RIMS2: variants seen among roughly 807,000 people sequenced by gnomAD.
RIMS2 encodes regulating synaptic membrane exocytosis 2.
RIMS2 carries 59 observed loss-of-function variants against 174.4 expected under a neutral mutation model. The observed-to-expected ratio is 0.34, with a 90% CI of 0.27 to 0.42. The LOEUF is 0.42. Among genes scored for constraint, RIMS2 ranks in the 10% least tolerant of loss-of-function variants. The pLI is 1.00. For missense variants in RIMS2, 1,620 were observed against 1,666.3 expected, an observed-to-expected ratio of 0.97 and a Z score of 0.48; for synonymous variants, 606 against 572.5, an observed-to-expected ratio of 1.06 and a Z score of -0.84.
At chr8:103,623,604 C>T (rs1355392178) in intron 1 of RIMS2, among the ~76,000 whole-genome samples, 2 of 148,696 alleles carry the variant, frequency 1.3e-5, no homozygotes, top group African/African-American at 5.0e-5. Context: ...CCTGCCTCAG[C>T]CTCCCGAGTA....
At chr8:103,669,460 C>T (rs1022317832) in intron 1 of RIMS2, among the ~76,000 whole-genome samples, 3 of 152,172 alleles carry the variant, frequency 2.0e-5, no homozygotes, top group East Asian at 1.9e-4. Flanking sequence ...CTCATTTCAC[C>T]ATTAACTCAG....
At chr8:103,717,451 T>C (rs1427225742) in intron 2 of RIMS2, among the ~76,000 whole-genome samples, 1 of 152,140 alleles carries the variant, frequency 6.6e-6, no homozygotes, top group Non-Finnish European at 1.5e-5. Flanking sequence ...ATAAGCTATC[T>C]TCCAGCCCAC....
chr8:104,074,192 G>A (rs1227667789), intron 19 of RIMS2, among the ~76,000 whole-genome samples: 1 of 152,120 alleles, frequency 6.6e-6, no homozygotes, highest in African/African-American at 2.4e-5. Context: ...ATGTAAGTCA[G>A]GAATACTTTA....
At chr8:104,153,714 A>T (rs1303542046) in intron 19 of RIMS2, among the ~76,000 whole-genome samples, 1 of 152,188 alleles carries the variant, frequency 6.6e-6, no homozygotes, top group African/African-American at 2.4e-5. Context: ...CTAAAGACTG[A>T]GCCCTAAGAC....
chr8:103,570,701 C>T (rs550324052), intron 1 of RIMS2, among the ~76,000 whole-genome samples: 2 of 152,176 alleles, frequency 1.3e-5, no homozygotes, highest in Admixed American at 6.5e-5. Context: ...TTTCTACCTG[C>T]AAATCTTAAA....
intron 19 of RIMS2, among the ~76,000 whole-genome samples, chr8:104,056,501 G>A (rs2096871758): frequency 6.6e-6 from 1 of 152,116 alleles, no homozygotes; most frequent in South Asian, 2.1e-4. Context: ...CTCAGAAAGT[G>A]ACATGTTTGT....
intron 19 of RIMS2, among the ~76,000 whole-genome samples, chr8:104,128,035 A>T (rs1462647300): frequency 6.6e-6 from 1 of 152,228 alleles, no homozygotes; most frequent in Non-Finnish European, 1.5e-5. Context: ...AATTTTTATC[A>T]TATTAAATGA....
At chr8:104,050,856 G>T (rs903685892) in intron 19 of RIMS2, among the ~76,000 whole-genome samples, 5 of 152,134 alleles carry the variant, frequency 3.3e-5, no homozygotes, top group Admixed American at 6.5e-5. Flanking sequence ...TTAGAACATA[G>T]TGAATTTATG....
In RIMS2 at chr8:103,502,904, G is replaced by A. The variant is rs79553512; in HGVS notation, c.176+1842G>A. ...ATATAGAAATTTAAGTGGACTTTAA[G>A]TATTAGGATTATTCAAAATGAACAG... On this transcript the variant is annotated intron_variant, in intron 1 of 23. Transcript: ENST00000504942. 4.5e-4 allele frequency among the ~76,000 whole-genome samples: 68 copies of A among 151,674 alleles called. 1 individual carries two copies. The East Asian group carries it at 0.012, about 26-fold the overall frequency.
At chr8:103,616,681 A>G (rs897745918) in intron 1 of RIMS2, among the ~76,000 whole-genome samples, 2 of 152,192 alleles carry the variant, frequency 1.3e-5, no homozygotes, top group Admixed American at 1.3e-4. Flanking sequence ...GTTGCAGGAT[A>G]CAAAGTCATT....
At chr8:103,869,128 A>G (rs988698412) in intron 3 of RIMS2, among the ~76,000 whole-genome samples, 6 of 152,006 alleles carry the variant, frequency 3.9e-5, no homozygotes, top group African/African-American at 1.4e-4. Context: ...ACATAAGAAC[A>G]TAAGCCTTGG....
At chr8:103,614,179 G>T (rs2134321675) in intron 1 of RIMS2, among the ~76,000 whole-genome samples, 1 of 152,370 alleles carries the variant, frequency 6.6e-6, no homozygotes, top group Non-Finnish European at 1.5e-5. Flanking sequence ...ACTTCTGCCT[G>T]TGGTAAGTCT....
rs932084512 is a variant in RIMS2, at chr8:104,140,214, A to G, written c.3335-104702A>G. 1.1e-4 allele frequency among the ~76,000 whole-genome samples: 16 copies of G among 152,202 alleles called. No homozygotes were observed. The East Asian group carries it at 3.1e-3, about 29-fold the overall frequency. ...AAACCATGATATGTGCATTCTAACCACTGTATTATTTATAATATTCTCTTG... is the reference window on the plus strand; with the variant it reads ...AAACCATGATATGTGCATTCTAACCGCTGTATTATTTATAATATTCTCTTG... On this transcript the variant is annotated intron_variant, in intron 19 of 23. Coordinates refer to ENST00000504942, the Ensembl canonical transcript of RIMS2.
chr8:103,583,050 TTGTG>T (rs2093702546), intron 1 of RIMS2, among the ~76,000 whole-genome samples: 1 of 152,168 alleles, frequency 6.6e-6, no homozygotes, highest in African/African-American at 2.4e-5. Context: ...ACAGGGGTGA[TTGTG>T]TCACTCCACC....
chr8:103,845,880 A>G (rs1379819896), intron 3 of RIMS2, among the ~76,000 whole-genome samples: 1 of 152,162 alleles, frequency 6.6e-6, no homozygotes, highest in Non-Finnish European at 1.5e-5. Context: ...ACAACTTGCC[A>G]ACTGCTTTAT....
intron 1 of RIMS2, among the ~76,000 whole-genome samples, chr8:103,598,584 G>C (rs987555825): frequency 1.3e-5 from 2 of 152,272 alleles, no homozygotes; most frequent in South Asian, 4.1e-4. Flanking sequence ...TTAATAACAA[G>C]TAGTGTTAGA....
chr8:103,746,906 T>G (rs1321287652), intron 2 of RIMS2, among the ~76,000 whole-genome samples: 1 of 152,010 alleles, frequency 6.6e-6, no homozygotes, highest in Non-Finnish European at 1.5e-5. Flanking sequence ...GGTCTCGATG[T>G]CCTGACCTTG....
intron 19 of RIMS2, among the ~76,000 whole-genome samples, chr8:104,047,114 A>G (rs906532063): frequency 1.3e-5 from 2 of 152,068 alleles, no homozygotes; most frequent in Non-Finnish European, 2.9e-5. Flanking sequence ...AAGAGTAAGG[A>G]TGCCCCAACA....
intron 2 of RIMS2, among the ~76,000 whole-genome samples, chr8:103,760,703 T>C (rs2098102043): frequency 6.6e-6 from 1 of 152,214 alleles, no homozygotes; most frequent in Non-Finnish European, 1.5e-5. Context: ...TGGGACTGCA[T>C]TCCTTTTGTA....
Sources: gnomAD v4.1 joint callset for allele counts (sites outside exome capture counted in the v4.1 genomes callset) on GRCh38, gnomAD v4.1.1 for gene constraint, MANE v1.5 for transcripts, NCBI Gene and HGNC (gene_info 2026-07-23, HGNC 2026-07-21) for gene names.